CNTN5: variants seen among roughly 807,000 people sequenced by gnomAD.
The protein encoded by CNTN5 is contactin-5.
In CNTN5, 77 loss-of-function variants were observed where a neutral mutation model predicts 129.1. The observed-to-expected ratio is 0.60, with a 90% confidence interval of 0.50 to 0.72. The LOEUF is 0.72. Ranked by LOEUF, CNTN5 falls within the 30% of genes least tolerant of loss-of-function variation. CNTN5 has a pLI of 0.00. For synonymous variants in CNTN5, 509 were observed against 465.6 expected (o/e 1.09, Z -1.20); for missense variants, 1,478 against 1,328.8 (o/e 1.11, Z -1.75).
chr11:99,524,872 A>C (rs1947427730), intron 2 of CNTN5, among the ~76,000 whole-genome samples: 1 of 152,146 alleles, frequency 6.6e-6, no homozygotes, highest in African/African-American at 2.4e-5. Flanking sequence ...AAATTGTATA[A>C]ATACTAAAAT....
intron 2 of CNTN5, among the ~76,000 whole-genome samples, chr11:99,501,148 G>A (rs1490432008): frequency 6.6e-6 from 1 of 152,172 alleles, no homozygotes; most frequent in Non-Finnish European, 1.5e-5. Context: ...TTTGCTGAGT[G>A]GGTAATTGAA....
intron 6 of CNTN5, among the ~76,000 whole-genome samples, chr11:99,882,372 A>G (rs1026367248): frequency 2.6e-5 from 4 of 152,118 alleles, no homozygotes; most frequent in Non-Finnish European, 5.9e-5. Context: ...CACCCCTCCA[A>G]AGAAAAATTT....
chr11:99,776,305 CAGG>C (rs1945122248), intron 3 of CNTN5, among the ~76,000 whole-genome samples: 4 of 151,904 alleles, frequency 2.6e-5, no homozygotes, highest in African/African-American at 2.4e-5. Flanking sequence ...GTAGAAATGT[CAGG>C]AGAGCTTTTC....
chr11:99,503,924 T>C (rs1012522273), intron 2 of CNTN5, among the ~76,000 whole-genome samples: 2 of 152,216 alleles, frequency 1.3e-5, no homozygotes, highest in African/African-American at 4.8e-5. Flanking sequence ...ATCGTTTAAA[T>C]TACAATGTAT....
At chr11:100,047,637 T>C (rs1184718544) in intron 9 of CNTN5, among the ~76,000 whole-genome samples, 2 of 152,196 alleles carry the variant, frequency 1.3e-5, no homozygotes, top group African/African-American at 4.8e-5. Context: ...GTTTAGTCAT[T>C]GTGATGGTTA....
At chr11:99,272,438 A>G (rs1181418747) in intron 1 of CNTN5, among the ~76,000 whole-genome samples, 3 of 151,820 alleles carry the variant, frequency 2.0e-5, no homozygotes, top group Non-Finnish European at 4.4e-5. Flanking sequence ...TTTTAGCCAC[A>G]GGGTCTTGCT....
chr11:99,102,735 G>A (rs1224499703), intron 1 of CNTN5, among the ~76,000 whole-genome samples: 1 of 152,130 alleles, frequency 6.6e-6, no homozygotes, highest in Non-Finnish European at 1.5e-5. Context: ...AAGTCTCTGG[G>A]AAGTTACAAA....
In CNTN5 at chr11:99,957,662, C is replaced by T. The variant is rs77277207; in HGVS notation, c.877+653C>T. Among the ~76,000 whole-genome samples, 1,211 of 139,296 alleles carry T rather than the reference C, an allele frequency of 8.7e-3. 18 individuals carry two copies. Among genetic ancestry groups the T allele is most frequent in the African/African-American group, 0.028 (1,130 of 40,934 alleles). The allele number at this position is 139,296 out of a possible 152,430, so 91.4% of individuals were successfully genotyped here. ...ATATATGATGTGTAGTTTGCTCTGT[C>T]ATGCAGCAAAAAATCTATGAAGGCG... On this transcript the variant is annotated intron_variant, in intron 8 of 24. Coordinates refer to ENST00000524871, the MANE Select transcript of CNTN5 (RefSeq NM_014361.4).
chr11:100,052,669 A>T (rs143466758), intron 9 of CNTN5, among the ~76,000 whole-genome samples: 1 of 151,922 alleles, frequency 6.6e-6, no homozygotes, highest in Admixed American at 6.6e-5. Flanking sequence ...TCCAGTCAAA[A>T]TCCTAGCCTG....
chr11:99,100,335 A>G (rs1866665573), intron 1 of CNTN5, among the ~76,000 whole-genome samples: 1 of 152,174 alleles, frequency 6.6e-6, no homozygotes, highest in Admixed American at 6.6e-5. Context: ...CCTAAGGTAA[A>G]GAATCAAATC....
At chr11:100,065,657 G>A (rs7126331) in intron 10 of CNTN5, among the ~76,000 whole-genome samples, 112,312 of 151,806 alleles carry the variant, frequency 0.74, 42,486 homozygotes, top group African/African-American at 0.91. Flanking sequence ...GTGACACCAG[G>A]ATTCAAATCC....
chr11:99,738,274 A>C (rs2135142029), intron 3 of CNTN5, among the ~76,000 whole-genome samples: 1 of 152,300 alleles, frequency 6.6e-6, no homozygotes, highest in Non-Finnish European at 1.5e-5. Context: ...GGAAGTTTGG[A>C]TACTCAGACA....
intron 1 of CNTN5, among the ~76,000 whole-genome samples, chr11:99,227,902 C>A (rs1159365404): frequency 6.6e-6 from 1 of 152,072 alleles, no homozygotes; most frequent in Non-Finnish European, 1.5e-5. Flanking sequence ...GAGTATGTAT[C>A]TATATTGATT....
At chr11:99,817,970 G>A (rs908992916) in intron 3 of CNTN5, among the ~76,000 whole-genome samples, 1 of 152,048 alleles carries the variant, frequency 6.6e-6, no homozygotes, top group Admixed American at 6.6e-5. Flanking sequence ...CTCATTTTAA[G>A]TGTGGAAAAC....
chr11:99,778,148 C>G (rs1480644041), intron 3 of CNTN5, among the ~76,000 whole-genome samples: 1 of 151,756 alleles, frequency 6.6e-6, no homozygotes, highest in East Asian at 1.9e-4. Flanking sequence ...TCTATTAAAA[C>G]AATCTCTTTC....
chr11:99,754,554 GTATAAGT>G (rs1433521742), intron 3 of CNTN5, among the ~76,000 whole-genome samples: 9 of 152,258 alleles, frequency 5.9e-5, no homozygotes, highest in Middle Eastern at 3.4e-3. Flanking sequence ...AGAAGTTGTG[GTATAAGT>G]TATAAGGATC....
chr11:99,620,235 A>G (rs1950898161), intron 3 of CNTN5, among the ~76,000 whole-genome samples: 1 of 152,010 alleles, frequency 6.6e-6, no homozygotes, highest in African/African-American at 2.4e-5. Flanking sequence ...GGCTGAGTAT[A>G]ATTATTCCCA....
At chr11:99,756,220 A>G (rs1206747956) in intron 3 of CNTN5, among the ~76,000 whole-genome samples, 2 of 152,148 alleles carry the variant, frequency 1.3e-5, no homozygotes, top group African/African-American at 2.4e-5. Context: ...TAAGAACAGC[A>G]GAATAGACCT....
chr11:99,400,444 G>A (rs1941745221), intron 2 of CNTN5, among the ~76,000 whole-genome samples: 1 of 152,066 alleles, frequency 6.6e-6, no homozygotes, highest in Non-Finnish European at 1.5e-5. Flanking sequence ...TTGTGTAGGA[G>A]TACCACATTT....
Sources: gnomAD v4.1 joint callset for allele counts (sites outside exome capture counted in the v4.1 genomes callset) on GRCh38, gnomAD v4.1.1 for gene constraint, MANE v1.5 for transcripts, NCBI Gene and HGNC (gene_info 2026-07-23, HGNC 2026-07-21) for gene names.